MBNL3: variants seen among roughly 807,000 people sequenced by gnomAD.
MBNL3 encodes the protein muscleblind like splicing regulator 3, also known as muscleblind-like protein 3.
In MBNL3, 6 loss-of-function variants were observed where a neutral mutation model predicts 24.5. That is an observed-to-expected ratio of 0.25 (90% confidence interval 0.13 to 0.48). The LOEUF is 0.48. Among genes scored for constraint, MBNL3 ranks in the 20% least tolerant of loss-of-function variants. MBNL3 has a pLI of 0.99. For missense variants in MBNL3, 230 were observed against 293.5 expected (o/e 0.78, Z 1.58); for synonymous variants, 100 against 101.7 (o/e 0.98, Z 0.10).
intron 6 of MBNL3, among the ~76,000 whole-genome samples, chrX:132,386,446 C>T (rs1012225027): frequency 1.8e-5 from 2 of 112,199 alleles, no homozygotes; most frequent in African/African-American, 6.5e-5. Flanking sequence ...AATGTTGATA[C>T]TTTTTCCTAG....
chrX:132,402,308 A>G (rs1941066120), intron 3 of MBNL3, among the ~76,000 whole-genome samples: 1 of 112,451 alleles, frequency 8.9e-6, no homozygotes, highest in Admixed American at 9.4e-5. Context: ...ACAGGTGTAG[A>G]TATGCAAAAT....
intron 2 of MBNL3, among the ~76,000 whole-genome samples, chrX:132,435,562 T>C (rs774817667): frequency 1.1e-4 from 12 of 112,164 alleles, no homozygotes; most frequent in Non-Finnish European, 2.1e-4. Context: ...TATTGCAGAA[T>C]ATACTGGTAA....
Position 132,376,414 on chromosome X carries a change from A to G in MBNL3, c.*3252T>C, listed in dbSNP as rs892707204. The G allele has an allele frequency of 1.8e-5, 2 of 111,774 alleles. No homozygotes were observed. Among genetic ancestry groups the G allele is most frequent in the African/African-American group, 6.5e-5 (2 of 30,876 alleles). The allele number at this position is 111,774 out of a possible 1,213,427, so 9.2% of individuals were successfully genotyped here. A position where few individuals can be genotyped will look rare whatever the true frequency, so the allele number is the denominator to read the frequency against. ...TGTTATGGTCACATAGTACTTTTTT[A>G]AAAAGTTGACACTACTAAAACCCTC... is the stretch of plus-strand genomic sequence containing the variant. On this transcript the variant is annotated 3_prime_UTR_variant, in exon 9 of 9. Coordinates refer to ENST00000370853, the MANE Select transcript of MBNL3 (RefSeq NM_001386889.1).
At chrX:132,414,698 T>C (rs1261534411) in intron 2 of MBNL3, among the ~76,000 whole-genome samples, 1 of 111,522 alleles carries the variant, frequency 9.0e-6, no homozygotes, top group Non-Finnish European at 1.9e-5. Context: ...AACATCTCTC[T>C]TTAGTACACC....
intron 1 of MBNL3, among the ~76,000 whole-genome samples, chrX:132,468,991 T>A (rs751530360): frequency 1.8e-5 from 2 of 112,653 alleles, no homozygotes; most frequent in African/African-American, 6.4e-5. Flanking sequence ...AATTGTACTA[T>A]ATGGATTTGA....
chrX:132,392,417 T>A (rs767305286), intron 3 of MBNL3, 83 bp from the exon 4 acceptor site: 2 of 751,607 alleles, frequency 2.7e-6, no homozygotes, highest in African/African-American at 2.2e-5. Flanking sequence ...TTCAGAAACA[T>A]CAAAATTACT....
intron 1 of MBNL3, among the ~76,000 whole-genome samples, chrX:132,446,546 AT>A (rs1945732153): frequency 8.9e-6 from 1 of 112,397 alleles, no homozygotes; most frequent in African/African-American, 3.2e-5. Flanking sequence ...GATCACAGAA[AT>A]GTCTTCTTTT....
chrX:132,412,454 T>A lies in MBNL3; in HGVS notation c.178-6062A>T, dbSNP rs771124295. On this transcript the variant is annotated intron_variant, in intron 2 of 8. Coordinates refer to ENST00000370853, the MANE Select transcript of MBNL3 (RefSeq NM_001386889.1). ...GAAGCTACTAAGACAAAGGTGGCTTTAGGAAAATCACAGCAGGTGGGGCCT... is the reference window on the plus strand; with the variant it reads ...GAAGCTACTAAGACAAAGGTGGCTTAAGGAAAATCACAGCAGGTGGGGCCT... 4.4e-5 allele frequency among the ~76,000 whole-genome samples: 5 copies of A among 112,654 alleles called. No individual in the cohort carries two copies. In the South Asian group the frequency reaches 1.9e-3, roughly 42 times the overall value.
At chrX:132,432,288 A>C (rs996773772) in intron 2 of MBNL3, 6 of 111,604 alleles carry the variant, frequency 5.4e-5, no homozygotes, top group African/African-American at 2.0e-4. Flanking sequence ...CTATCGTTGA[A>C]ATTTCTTAAA....
intron 2 of MBNL3, 42 bp from the exon 3 acceptor site, chrX:132,406,434 C>G: frequency 3.6e-6 from 4 of 1,104,614 alleles, no homozygotes; most frequent in Non-Finnish European, 4.8e-6. Context: ...TAAAACTATA[C>G]ACAAATAGAT....
In MBNL3 at chrX:132,488,910, G is replaced by T. The variant is rs1325828788; in HGVS notation, c.-763C>A. 1 of 113,672 alleles carries T rather than the reference G, an allele frequency of 8.8e-6. No homozygotes were observed. The highest frequency in any genetic ancestry group is 1.9e-5 in the Non-Finnish European group (1 of 53,529). The allele number at this position is 113,672 out of a possible 1,213,427, so 9.4% of individuals were successfully genotyped here. On this transcript the variant is annotated 5_prime_UTR_variant, in exon 1 of 9. Transcript: ENST00000370853. The stretch of plus-strand genomic sequence containing the variant: ...GCCCTGCTCTCAGCGGCAGCAGCAG[G>T]GGCAGCGGCAGCGACAGCGGCACAT...
At chrX:132,412,319 GCCCAGGAGGGCCCT>G (rs1942847766) in intron 2 of MBNL3, among the ~76,000 whole-genome samples, 2 of 111,362 alleles carry the variant, frequency 1.8e-5, no homozygotes, top group Admixed American at 9.5e-5. Context: ...ACCTGGGCCT[GCCCAGGAGGGCCCT>G]GCATTTCCAG....
chrX:132,443,987 G>GCCCCCCCCCCCCCCCCCCCCC (rs1194381655), intron 1 of MBNL3, among the ~76,000 whole-genome samples: 1 of 4,921 alleles, frequency 2.0e-4, no homozygotes, highest in Non-Finnish European at 3.3e-4. Flanking sequence ...TCCAGAGTCC[G>GCCCCCCCCCCCCCCCCCCCCC]CCCCCCCCCC....
At chrX:132,399,260 G>T (rs1168708018) in intron 3 of MBNL3, among the ~76,000 whole-genome samples, 1 of 111,491 alleles carries the variant, frequency 9.0e-6, no homozygotes, top group Non-Finnish European at 1.9e-5. Context: ...CAGATGGCTA[G>T]TCCTAAGCTG....
chrX:132,400,480 G>A (rs1241002781), intron 3 of MBNL3, among the ~76,000 whole-genome samples: 1 of 112,015 alleles, frequency 8.9e-6, no homozygotes, highest in Admixed American at 9.5e-5. Flanking sequence ...ATTGCAATGA[G>A]GAGCAAATCT....
intron 3 of MBNL3, among the ~76,000 whole-genome samples, chrX:132,393,325 GAGATA>G (rs748786493): frequency 5.6e-5 from 6 of 107,979 alleles, no homozygotes; most frequent in Non-Finnish European, 1.1e-4. Flanking sequence ...TAGGCAGGAA[GAGATA>G]AGATAACAGG....
rs1933570298 is a variant in MBNL3 at position 132,371,065 on chromosome X, GTA to G, written c.*8599_*8600del. ...ATATACTGAACTGTTTTTAGTGCTG[GTA>G]TTATCAGACTCACAGAAACACCTAC... On this transcript the variant is annotated 3_prime_UTR_variant, in exon 9 of 9. Coordinates refer to ENST00000370853, the MANE Select transcript of MBNL3 (RefSeq NM_001386889.1). 1 of 111,480 alleles carries G rather than the reference GTA, an allele frequency of 9.0e-6. No homozygotes were observed. The highest frequency in any genetic ancestry group is 1.9e-5 in the Non-Finnish European group (1 of 53,078). 9.2% of individuals were successfully genotyped at this position (111,480 alleles called of 1,213,427 possible). A position where few individuals can be genotyped will look rare whatever the true frequency, so the allele number is the denominator to read the frequency against.
intron 3 of MBNL3, among the ~76,000 whole-genome samples, chrX:132,402,463 T>A (rs1941098162): frequency 8.9e-6 from 1 of 112,105 alleles, no homozygotes; most frequent in Admixed American, 9.5e-5. Flanking sequence ...TGCTTCAGGG[T>A]AATCCACTGT....
In MBNL3 at chrX:132,486,924, G is replaced by A. The variant is rs1948039679; in HGVS notation, c.-704+1927C>T. Among the ~76,000 whole-genome samples, 5 of 111,821 alleles carry A rather than the reference G, an allele frequency of 4.5e-5. No homozygotes were observed. The South Asian group carries it at 1.9e-3, about 42-fold the overall frequency. The stretch of plus-strand genomic sequence containing the variant: ...TAGAGAAATGAAGTAGCTCTTAGAA[G>A]TAGAGCAAAACATGCAGTCACCACC... On this transcript the variant is annotated intron_variant, in intron 1 of 8. Coordinates refer to ENST00000370853, the MANE Select transcript of MBNL3 (RefSeq NM_001386889.1).
Sources: allele counts gnomAD v4.1 joint callset (sites outside exome capture counted in the v4.1 genomes callset), GRCh38; gene constraint gnomAD v4.1.1; transcripts MANE v1.5; gene names NCBI Gene and HGNC (gene_info 2026-07-23, HGNC 2026-07-21).